The following SLC12A6 variants were observed in gnomAD, a reference collection of about 807,000 sequenced individuals.
SLC12A6 encodes the protein K-Cl cotransporter 3.
In SLC12A6, 66 loss-of-function variants were observed where a neutral mutation model predicts 135.3. That is an observed-to-expected ratio of 0.49 (90% CI 0.40 to 0.60). The LOEUF is 0.60. Among genes scored for constraint, SLC12A6 ranks in the 20% least tolerant of loss-of-function variants. The pLI, the probability that SLC12A6 is intolerant of heterozygous loss-of-function variation, is 0.00. For missense variants in SLC12A6, 1,058 were observed against 1,452.3 expected, an observed-to-expected ratio of 0.73 and a Z score of 4.41; for synonymous variants, 513 against 508.8, an observed-to-expected ratio of 1.01 and a Z score of -0.11.
intron 2 of SLC12A6, among the ~76,000 whole-genome samples, chr15:34,332,050 T>C (rs1320399684): frequency 6.6e-6 from 1 of 152,200 alleles, no homozygotes; most frequent in African/African-American, 2.4e-5. Context: ...TCTACACTTT[T>C]CACCACACTT....
At chr15:34,326,812 C>G (rs1227508408) in intron 2 of SLC12A6, among the ~76,000 whole-genome samples, 1 of 149,894 alleles carries the variant, frequency 6.7e-6, no homozygotes, top group East Asian at 1.9e-4. Context: ...CCATCTCAGC[C>G]TCCCAAGTAG....
In SLC12A6 at chr15:34,336,654, C is replaced by G. The variant is rs780750819; in HGVS notation, c.27G>C (p.Lys9Asn). 6 of 1,614,150 alleles carry G rather than the reference C, an allele frequency of 3.7e-6. No homozygotes were observed. The highest frequency in any genetic ancestry group is 5.1e-6 in the Non-Finnish European group (6 of 1,179,990). The change falls in exon 2 of 26, where the codon AAG becomes AAC. Residue 9 changes from lysine to asparagine, a missense_variant. Physicochemically the swap from Lys to Asn is moderately conservative, Grantham distance 94. Around this residue, in one of 6 missense-constraint regions of SLC12A6, gnomAD observed 176 missense variants for 168.9 expected, o/e 1.04. Transcript: ENST00000354181. ...TCACCATGAACCGAACTGAAGCCAT[C>G]TTGGTGGTGGTTTCTGGAGGATGCA... MHPPETTT[K>N]MASVRFMVTP...
intron 2 of SLC12A6, among the ~76,000 whole-genome samples, chr15:34,318,121 C>A (rs566459898): frequency 6.6e-6 from 1 of 152,182 alleles, no homozygotes; most frequent in Admixed American, 6.5e-5. Context: ...CAGTCAAAGT[C>A]CACGGTACAA....
chr15:34,332,550 G>A (rs901740099), intron 2 of SLC12A6, among the ~76,000 whole-genome samples: 1 of 152,142 alleles, frequency 6.6e-6, no homozygotes, highest in Non-Finnish European at 1.5e-5. Flanking sequence ...TTAGGAGGCC[G>A]AGGCAGGAGG....
At chr15:34,336,977 T>C in intron 1 of SLC12A6, 1 of 419,790 alleles carries the variant, frequency 2.4e-6, no homozygotes, top group Non-Finnish European at 4.4e-6. Context: ...AATGAAGAGC[T>C]ACCTAGCTAA....
rs1176442551 is a variant in SLC12A6, at chr15:34,260,909, T to G, written c.411+17A>C. ...TGTTCCTAAAGTCTCAGTCCATAGT[T>G]TTCTCCAAAATATTACCTCAAAGAG... On this transcript the variant is annotated intron_variant, in intron 4 of 25. Transcript: ENST00000354181. 2 of 1,065,024 alleles carry G rather than the reference T, an allele frequency of 1.9e-6. No individual in the cohort carries two copies. The highest frequency in any genetic ancestry group is 3.4e-5 in the Admixed American group (2 of 59,328). 66.0% of individuals were successfully genotyped at this position (1,065,024 alleles called of 1,614,324 possible). A position where few individuals can be genotyped will look rare whatever the true frequency, so the allele number is the denominator to read the frequency against.
chr15:34,310,295 G>A (rs1021881216), intron 2 of SLC12A6, among the ~76,000 whole-genome samples: 1 of 115,424 alleles, frequency 8.7e-6, no homozygotes, highest in African/African-American at 4.2e-5. Flanking sequence ...GAACTCCTGG[G>A]CTCAAGTGTG....
chr15:34,233,401 C>T lies in SLC12A6; in HGVS notation c.*480G>A, dbSNP rs1168481202. 1 of 159,964 alleles carries T rather than the reference C, an allele frequency of 6.3e-6. No individual in the cohort carries two copies. Among genetic ancestry groups the T allele is most frequent in the Admixed American group, 5.9e-5 (1 of 16,938 alleles). 9.9% of individuals were successfully genotyped at this position (159,964 alleles called of 1,614,324 possible). ...TAGCTAAAAAATGTTTGCATCTTGG[C>T]TTGCCGAGGATAATAGGTCCAAATA... is the stretch of plus-strand genomic sequence containing the variant. On this transcript the variant is annotated 3_prime_UTR_variant, in exon 26 of 26. Transcript: ENST00000354181.
chr15:34,254,007 G>A lies in SLC12A6; in HGVS notation c.1118+341C>T, dbSNP rs76433551. Among the ~76,000 whole-genome samples the A allele has an allele frequency of 8.1e-3, 1,229 of 152,192 alleles. 15 individuals are homozygous for A. Among genetic ancestry groups the A allele is most frequent in the Middle Eastern group, 0.048 (14 of 294 alleles). On this transcript the variant is annotated intron_variant, in intron 9 of 25. Transcript: ENST00000354181. Reference sequence around the variant, plus strand: ...CAAGGTGGGCCTTATAAAGGTTGCTGGCAATAACTACACTGTCTGCAAAGC... The same window carrying A: ...CAAGGTGGGCCTTATAAAGGTTGCTAGCAATAACTACACTGTCTGCAAAGC...
At chr15:34,255,573 A>G (rs908375095) in intron 7 of SLC12A6, among the ~76,000 whole-genome samples, 181 bp from the exon 8 acceptor site, 1 of 152,188 alleles carries the variant, frequency 6.6e-6, no homozygotes, top group African/African-American at 2.4e-5. Flanking sequence ...TTATTGTGGG[A>G]TATACTGCAC....
In SLC12A6 at chr15:34,237,419, C is replaced by T. The variant is rs755298290; in HGVS notation, c.2934G>A (p.Met978Ile). The change falls in exon 22 of 26, where the codon ATG (methionine) becomes ATA (isoleucine). Residue 978 changes from methionine (M) to isoleucine (I), a missense_variant and splice_region_variant. By Grantham distance (10) the Met-to-Ile change is conservative (BLOSUM62 1). Around this residue, in one of 6 missense-constraint regions of SLC12A6, gnomAD observed 245 missense variants for 440.8 expected, o/e 0.56. Coordinates refer to ENST00000354181, the MANE Select transcript of SLC12A6 (RefSeq NM_001365088.1). ...TGTATCTCAAACTCAGCTTTCTCAC[C>T]ATCTCCACCACTTCTACCTCCGCCT... ...RIEAEVEVVEMHDSDISAYTY... is the reference protein window; with the variant it reads ...RIEAEVEVVEIHDSDISAYTY... The T allele has an allele frequency of 1.9e-6, 3 of 1,611,670 alleles. No homozygotes were observed. Among genetic ancestry groups the T allele is most frequent in the Non-Finnish European group, 8.5e-7 (1 of 1,178,640 alleles).
rs140635276 is a variant in SLC12A6, at chr15:34,245,854, C to T, written c.1663G>A (p.Val555Met). The T allele has an allele frequency of 6.3e-5, 102 of 1,612,292 alleles. No homozygotes were observed. The highest frequency in any genetic ancestry group is 8.3e-5 in the Admixed American group (5 of 59,994). The change falls in exon 14 of 26, where the codon GTG (valine) becomes ATG (methionine). Residue 555 changes from valine (V) to methionine (M), a missense_variant. By Grantham distance (21) the Val-to-Met change is conservative. Transcript: ENST00000354181. ...VVLRDKFGDAVKGNLVVGTLS... is the reference protein window; with the variant it reads ...VVLRDKFGDAMKGNLVVGTLS... Reference sequence around the variant, plus strand: ...GTGCCTACCACCAAATTACCTTTCACAGCATCACCGAACCTGGGAAAGAAA... The same window carrying T: ...GTGCCTACCACCAAATTACCTTTCATAGCATCACCGAACCTGGGAAAGAAA...
intron 3 of SLC12A6, among the ~76,000 whole-genome samples, chr15:34,272,826 T>G (rs1401069166): frequency 1.3e-5 from 2 of 152,228 alleles, no homozygotes; most frequent in African/African-American, 4.8e-5. Flanking sequence ...TTTCACTAGC[T>G]AAGCTGCCTC....
At chr15:34,273,305 C>T (rs1052166048) in intron 3 of SLC12A6, among the ~76,000 whole-genome samples, 14 of 152,146 alleles carry the variant, frequency 9.2e-5, no homozygotes, top group African/African-American at 3.1e-4. Flanking sequence ...GAGCCAAGAT[C>T]GTGCCACCGC....
In SLC12A6 at chr15:34,240,984, T is replaced by C. The variant is rs1891605397; in HGVS notation, c.2268-155A>G. The C allele has an allele frequency of 2.3e-5, 16 of 697,520 alleles. No individual in the cohort carries two copies. In the South Asian group the frequency reaches 2.4e-4, roughly 10 times the overall value. The allele number at this position is 697,520 out of a possible 1,614,324, so 43.2% of individuals were successfully genotyped here. A position where few individuals can be genotyped will look rare whatever the true frequency, so the allele number is the denominator to read the frequency against. On this transcript the variant is annotated intron_variant, in intron 18 of 25. Coordinates refer to ENST00000354181, the MANE Select transcript of SLC12A6 (RefSeq NM_001365088.1). ...ACAGGAGATGACAGGATAAGGGCAT[T>C]ATTTTGAATGCTCCCAGTACTATCT...
At chr15:34,234,785 A>C (rs55707706) in intron 25 of SLC12A6, among the ~76,000 whole-genome samples, 2,968 of 152,212 alleles carry the variant, frequency 0.019, 105 homozygotes, top group African/African-American at 0.068. Flanking sequence ...AAGAATCCCT[A>C]TCTCTTTTTT....
intron 19 of SLC12A6, among the ~76,000 whole-genome samples, chr15:34,240,270 T>G (rs1891554026): frequency 6.6e-6 from 1 of 152,218 alleles, no homozygotes; most frequent in Admixed American, 6.5e-5. Flanking sequence ...ATCTTGCTCA[T>G]GATACCACGT....
intron 3 of SLC12A6, among the ~76,000 whole-genome samples, chr15:34,271,109 G>T (rs898529069): frequency 6.6e-6 from 1 of 152,112 alleles, no homozygotes; most frequent in Non-Finnish European, 1.5e-5. Context: ...CAAGATGAGT[G>T]GGGGGAGACA....
intron 2 of SLC12A6, among the ~76,000 whole-genome samples, chr15:34,326,743 G>A (rs113879836): frequency 0.14 from 20,723 of 148,856 alleles, 1,578 homozygotes; most frequent in East Asian, 0.33. Context: ...CCAGGCTGGA[G>A]TGCAGTGGCA....
Sources: allele counts gnomAD v4.1 joint callset (sites outside exome capture counted in the v4.1 genomes callset), GRCh38; gene constraint gnomAD v4.1.1; regional missense constraint gnomAD v4.1.1; transcripts MANE v1.5; gene names NCBI Gene and HGNC (gene_info 2026-07-23, HGNC 2026-07-21).